The following AKAP7 variants were observed in gnomAD, a reference collection of about 807,000 sequenced individuals.
The protein encoded by AKAP7 is A kinase (PRKA) anchor protein 7.
AKAP7 carries 39 observed loss-of-function variants against 39.5 expected under a neutral mutation model. The observed-to-expected ratio is 0.99, with a 90% CI of 0.76 to 1.29. The LOEUF (loss-of-function observed/expected upper bound fraction) is 1.29. Among genes scored for constraint, AKAP7 ranks in the 50% most tolerant of loss-of-function variants. The pLI, the probability that AKAP7 is intolerant of heterozygous loss-of-function variation, is 0.00. For missense variants in AKAP7, 414 were observed against 407.7 expected, an observed-to-expected ratio of 1.02 and a Z score of -0.13; for synonymous variants, 140 against 139.1, an observed-to-expected ratio of 1.01 and a Z score of -0.05.
chr6:131,175,030 A>G (rs1051269906), intron 5 of AKAP7, among the ~76,000 whole-genome samples: 5 of 152,216 alleles, frequency 3.3e-5, no homozygotes, highest in Admixed American at 2.0e-4. Context: ...CACATATTGT[A>G]TATGTTACAT....
In AKAP7 at chr6:131,267,674, T is replaced by C. The variant is rs570131922; in HGVS notation, c.851-13856T>C. ...AAGCCAAGCTGGTCTTAACTCTCTC[T>C]CTTGTGGCATTTCTTCCCTGGCCCA... is the stretch of plus-strand genomic sequence containing the variant. On this transcript the variant is annotated intron_variant, in intron 7 of 7. Coordinates refer to ENST00000431975, the MANE Select transcript of AKAP7 (RefSeq NM_016377.4). Among the ~76,000 whole-genome samples the C allele has an allele frequency of 5.3e-5, 8 of 152,320 alleles. No individual in the cohort carries two copies. The East Asian group carries it at 1.4e-3, about 26-fold the overall frequency.
rs753373278 is a variant in AKAP7, at chr6:131,199,522, A to T, written c.651A>T (p.Lys217Asn). 1 of 1,611,886 alleles carries T rather than the reference A, an allele frequency of 6.2e-7. No individual in the cohort carries two copies. The highest frequency in any genetic ancestry group is 8.5e-7 in the Non-Finnish European group (1 of 1,178,262). Residue 217 changes from lysine (K) to asparagine (N), a missense_variant, in exon 6 of 8, where the codon AAA becomes AAT. Physicochemically the swap from Lys to Asn is moderately conservative, Grantham distance 94. Transcript: ENST00000431975. ...GILVGESRSF[K>N]PHLTFMKLSK... ...TGGTAGGAGAGAGCAGAAGTTTTAA[A>T]CCTCATTTGACCTTCATGAAGTTGT...
At chr6:131,197,857 C>G (rs1451972787) in intron 5 of AKAP7, among the ~76,000 whole-genome samples, 1 of 152,118 alleles carries the variant, frequency 6.6e-6, no homozygotes, top group Non-Finnish European at 1.5e-5. Context: ...ACCAGGGGAC[C>G]AACGCTAGTA....
chr6:131,193,058 T>C (rs1381200341), intron 5 of AKAP7, among the ~76,000 whole-genome samples: 1 of 152,162 alleles, frequency 6.6e-6, no homozygotes, highest in African/African-American at 2.4e-5. Flanking sequence ...CTTTTTCAGT[T>C]TGAATGCCCT....
chr6:131,272,569 TTAAAGG>T (rs1379899598), intron 7 of AKAP7, among the ~76,000 whole-genome samples: 1 of 152,214 alleles, frequency 6.6e-6, no homozygotes, highest in African/African-American at 2.4e-5. Flanking sequence ...TTACGTTCAG[TTAAAGG>T]TATTTTCTAA....
chr6:131,188,864 A>G (rs1806130961), intron 5 of AKAP7, among the ~76,000 whole-genome samples: 1 of 152,162 alleles, frequency 6.6e-6, no homozygotes, highest in Admixed American at 6.5e-5. Flanking sequence ...CAAATCAAAA[A>G]TTGAACTTGC....
In AKAP7 at chr6:131,281,805, G is replaced by A. The variant is rs1282216975; in HGVS notation, c.*79G>A. 1.8e-5 allele frequency: 25 copies of A among 1,382,124 alleles called. No homozygotes were observed. The highest frequency in any genetic ancestry group is 9.8e-5 in the South Asian group (5 of 51,240). 85.6% of individuals were successfully genotyped at this position (1,382,124 alleles called of 1,614,324 possible). A position where few individuals can be genotyped will look rare whatever the true frequency, so the allele number is the denominator to read the frequency against. ...CTGAGTCTAGGGACTGACTTGCAGC[G>A]TGCTGTTTAAGTTAAGTTTCTCTGG... is the stretch of plus-strand genomic sequence containing the variant. On this transcript the variant is annotated 3_prime_UTR_variant, in exon 8 of 8. Transcript: ENST00000431975. This position sits in a 1 kb window ranked among gnomAD's most constrained non-coding sequence, Gnocchi z 4.0.
intron 7 of AKAP7, among the ~76,000 whole-genome samples, chr6:131,223,823 A>G (rs1411562591): frequency 1.3e-5 from 2 of 152,194 alleles, no homozygotes; most frequent in South Asian, 2.1e-4. Flanking sequence ...AGCTTATATC[A>G]TAGATTACCT....
chr6:131,268,577 A>T (rs1814008356), intron 7 of AKAP7, among the ~76,000 whole-genome samples: 1 of 152,166 alleles, frequency 6.6e-6, no homozygotes. Context: ...TTATAAAAGG[A>T]GTGAAGTGTA....
chr6:131,213,907 G>A (rs970672740), intron 6 of AKAP7, among the ~76,000 whole-genome samples: 3 of 152,082 alleles, frequency 2.0e-5, no homozygotes, highest in Admixed American at 1.3e-4. Context: ...GCAACTTTGA[G>A]AACTTCTTGG....
At chr6:131,259,383 C>T (rs889800450) in intron 7 of AKAP7, among the ~76,000 whole-genome samples, 2 of 152,182 alleles carry the variant, frequency 1.3e-5, no homozygotes, top group African/African-American at 4.8e-5. Flanking sequence ...GAAACCACAT[C>T]ACAAGAGGAA....
intron 6 of AKAP7, among the ~76,000 whole-genome samples, chr6:131,207,939 C>T (rs1808286426): frequency 6.6e-6 from 1 of 152,154 alleles, no homozygotes; most frequent in Non-Finnish European, 1.5e-5. Context: ...CAGATTGTTT[C>T]TGTAAACTAT....
chr6:131,209,897 T>C (rs909132660), intron 6 of AKAP7, among the ~76,000 whole-genome samples: 1 of 152,164 alleles, frequency 6.6e-6, no homozygotes, highest in Non-Finnish European at 1.5e-5. Context: ...AAGATTTTAT[T>C]CCAAAATGGT....
At position 131,149,110 on chromosome 6, in the gene AKAP7, G is replaced by A. The variant is rs143165078; in HGVS notation, c.151+3694G>A. ...TTAGTGTCTCTCGATTGTCAGCTGC[G>A]TTGCCTTCAGTGCGAATGTGGTATC... On this transcript the variant is annotated intron_variant, in intron 2 of 7. Coordinates refer to ENST00000431975, the MANE Select transcript of AKAP7 (RefSeq NM_016377.4). Among the ~76,000 whole-genome samples the A allele has an allele frequency of 2.6e-4, 39 of 152,310 alleles. 1 individual carries two copies. The highest frequency in any genetic ancestry group is 8.4e-4 in the African/African-American group (35 of 41,568).
intron 7 of AKAP7, 42 bp downstream of exon 7, chr6:131,219,850 T>A: frequency 3.0e-6 from 4 of 1,336,936 alleles, no homozygotes; most frequent in Non-Finnish European, 4.0e-6. Context: ...TTATTTTTAA[T>A]TTTTTTGGCA....
chr6:131,260,140 C>G (rs1391814239), intron 7 of AKAP7, among the ~76,000 whole-genome samples: 1 of 152,016 alleles, frequency 6.6e-6, no homozygotes, highest in African/African-American at 2.4e-5. Context: ...GATCTTGTTC[C>G]TTTTTAAGGC....
chr6:131,184,519 G>A, intron 5 of AKAP7: 1 of 698,530 alleles, frequency 1.4e-6, no homozygotes, highest in East Asian at 2.7e-5. Flanking sequence ...CGCAACATTT[G>A]TGCTCGATGC....
intron 2 of AKAP7, among the ~76,000 whole-genome samples, chr6:131,154,349 G>A (rs1202931415): frequency 4.0e-5 from 6 of 151,824 alleles, no homozygotes; most frequent in Admixed American, 1.3e-4. Flanking sequence ...TAATATCACC[G>A]CAAATTGTCG....
chr6:131,272,947 CTG>C (rs1814415007), intron 7 of AKAP7, among the ~76,000 whole-genome samples: 1 of 152,152 alleles, frequency 6.6e-6, no homozygotes, highest in South Asian at 2.1e-4. Context: ...AAATCTCAAA[CTG>C]TAATTGTGTA....
Sources: allele counts gnomAD v4.1 joint callset (sites outside exome capture counted in the v4.1 genomes callset), GRCh38; gene constraint gnomAD v4.1.1; non-coding constraint Gnocchi (gnomAD v3.1); transcripts MANE v1.5; gene names NCBI Gene and HGNC (gene_info 2026-07-23, HGNC 2026-07-21).